Variants in PDE7A observed in about 807,000 individuals in gnomAD.
PDE7A encodes phosphodiesterase 7A.
PDE7A carries 39 observed loss-of-function variants against 64.3 expected under a neutral mutation model. That is an observed-to-expected ratio of 0.61 (90% CI 0.47 to 0.79). The LOEUF (loss-of-function observed/expected upper bound fraction) is 0.79. PDE7A is among the 30% of genes least tolerant of loss of function. PDE7A has a pLI of 0.00. For synonymous variants in PDE7A, 203 were observed against 206.8 expected (o/e 0.98, Z 0.16); for missense variants, 470 against 582.8 (o/e 0.81, Z 1.99).
chr8:65,754,099 C>T (rs771222234), intron 3 of PDE7A, among the ~76,000 whole-genome samples: 1 of 152,042 alleles, frequency 6.6e-6, no homozygotes, highest in Non-Finnish European at 1.5e-5. Context: ...AGTCTGAGTC[C>T]CAGAACTGAA....
chr8:65,812,474 G>A (rs1011939255), intron 1 of PDE7A, among the ~76,000 whole-genome samples: 1 of 152,032 alleles, frequency 6.6e-6, no homozygotes, highest in Non-Finnish European at 1.5e-5. Flanking sequence ...TAAAAGAACT[G>A]TATAAGAACA....
intron 1 of PDE7A, among the ~76,000 whole-genome samples, chr8:65,809,249 AAACATT>A (rs1810184021): frequency 1.3e-5 from 2 of 152,212 alleles, no homozygotes; most frequent in South Asian, 4.1e-4. Context: ...TTCATTACAT[AAACATT>A]AAAAGTCTTA....
At chr8:65,731,986 A>G (rs78227062) in intron 7 of PDE7A, among the ~76,000 whole-genome samples, 18,748 of 138,538 alleles carry the variant, frequency 0.14, 1,176 homozygotes, top group Non-Finnish European at 0.16. Context: ...TATTATTATT[A>G]TTGTTGTTGT....
intron 3 of PDE7A, among the ~76,000 whole-genome samples, chr8:65,757,395 GAATATACAT>G (rs1808282143): frequency 6.6e-6 from 1 of 152,100 alleles, no homozygotes; most frequent in Non-Finnish European, 1.5e-5. Context: ...TAAATCAAAA[GAATATACAT>G]AATTATTAAT....
At chr8:65,800,368 T>A (rs1215401685) in intron 1 of PDE7A, among the ~76,000 whole-genome samples, 1 of 152,232 alleles carries the variant, frequency 6.6e-6, no homozygotes, top group Non-Finnish European at 1.5e-5. Context: ...GATCTTTGAA[T>A]CTACCTGCAA....
chr8:65,750,570 A>G (rs1335024009), intron 3 of PDE7A, among the ~76,000 whole-genome samples: 7 of 151,952 alleles, frequency 4.6e-5, no homozygotes, highest in African/African-American at 1.7e-4. Flanking sequence ...GGACAACTGC[A>G]TAAGGTCCAA....
rs201373780 is a variant in PDE7A at position 65,734,756 on chromosome 8, C to A, written c.696+38G>T. 1.6e-5 allele frequency: 18 copies of A among 1,160,096 alleles called. No homozygotes were observed. In the Admixed American group the frequency reaches 2.5e-4, roughly 16 times the overall value. The allele number at this position is 1,160,096 out of a possible 1,614,324, so 71.9% of individuals were successfully genotyped here. On this transcript the variant is annotated intron_variant, in intron 7 of 12. Transcript: ENST00000401827. ...GTGAAAGTAAATCAAAAGGAATTTT[C>A]TTATGATTTTCACCTGAAATCAATG...
At chr8:65,723,731 CTCA>C in intron 11 of PDE7A, 110 bp from the exon 12 acceptor site, 3 of 711,596 alleles carry the variant, frequency 4.2e-6, no homozygotes, top group Non-Finnish European at 6.3e-6. Flanking sequence ...ATACTTAATC[CTCA>C]TGAGAGGACA....
chr8:65,767,100 TAC>T, intron 3 of PDE7A, among the ~76,000 whole-genome samples: 1 of 152,344 alleles, frequency 6.6e-6, no homozygotes, highest in East Asian at 1.9e-4. Flanking sequence ...AAATACGTCA[TAC>T]ACTTAGAAGA....
intron 9 of PDE7A, among the ~76,000 whole-genome samples, chr8:65,725,910 T>C: frequency 6.6e-6 from 1 of 152,196 alleles, no homozygotes; most frequent in East Asian, 1.9e-4. Context: ...GCAATTTTCG[T>C]ATTTGTACTA....
chr8:65,836,023 A>G (rs1246943376), intron 1 of PDE7A, among the ~76,000 whole-genome samples: 1 of 152,222 alleles, frequency 6.6e-6, no homozygotes, highest in Non-Finnish European at 1.5e-5. Flanking sequence ...TTAAATTTAA[A>G]TCAAAGTATG....
chr8:65,838,536 T>C (rs1305306537), intron 1 of PDE7A: 2 of 152,216 alleles, frequency 1.3e-5, no homozygotes, highest in Non-Finnish European at 1.5e-5. Flanking sequence ...TAACTCAAGC[T>C]TGTCCATTTC....
At chr8:65,726,378 C>A (rs542209627) in intron 9 of PDE7A, among the ~76,000 whole-genome samples, 4 of 152,080 alleles carry the variant, frequency 2.6e-5, no homozygotes, top group African/African-American at 9.6e-5. Context: ...TTATTATATC[C>A]TATAGCTCTA....
chr8:65,830,648 T>C (rs914078308), intron 1 of PDE7A, among the ~76,000 whole-genome samples: 1 of 152,160 alleles, frequency 6.6e-6, no homozygotes, highest in Non-Finnish European at 1.5e-5. Context: ...TTAACATATG[T>C]TGTTTTGATT....
chr8:65,767,033 A>G (rs1331027995), intron 3 of PDE7A, among the ~76,000 whole-genome samples: 1 of 142,802 alleles, frequency 7.0e-6, no homozygotes, highest in Non-Finnish European at 1.5e-5. Flanking sequence ...AACAACAACA[A>G]CAACGCCTGG....
At chr8:65,787,597 A>T (rs1809594609) in intron 1 of PDE7A, among the ~76,000 whole-genome samples, 1 of 152,182 alleles carries the variant, frequency 6.6e-6, no homozygotes, top group Non-Finnish European at 1.5e-5. Flanking sequence ...TTTTAAAAAT[A>T]AAATATTAGC....
chr8:65,814,899 T>C (rs538001492), intron 1 of PDE7A, among the ~76,000 whole-genome samples: 3 of 151,956 alleles, frequency 2.0e-5, no homozygotes, highest in Non-Finnish European at 4.4e-5. Flanking sequence ...CTGGCCAACA[T>C]GGTGAAACCC....
chr8:65,806,320 T>C (rs1198829583), intron 1 of PDE7A, among the ~76,000 whole-genome samples: 1 of 152,170 alleles, frequency 6.6e-6, no homozygotes, highest in Non-Finnish European at 1.5e-5. Context: ...TGTAAATTCA[T>C]AGAGACAGAA....
chr8:65,776,084 C>T (rs1809251869), intron 3 of PDE7A, among the ~76,000 whole-genome samples: 1 of 152,102 alleles, frequency 6.6e-6, no homozygotes, highest in South Asian at 2.1e-4. Context: ...TTTAGCATTC[C>T]TCATCTTACC....
Sources: allele counts gnomAD v4.1 joint callset (sites outside exome capture counted in the v4.1 genomes callset), GRCh38; gene constraint gnomAD v4.1.1; transcripts MANE v1.5; gene names NCBI Gene and HGNC (gene_info 2026-07-23, HGNC 2026-07-21).